The following CPEB1 variants were observed in gnomAD, a reference collection of about 807,000 sequenced individuals.
CPEB1 encodes cytoplasmic polyadenylation element-binding protein 1.
A neutral mutation model predicts 65.8 loss-of-function variants in CPEB1; 7 were observed. That is an observed-to-expected ratio of 0.11 (90% CI 0.06 to 0.20). The LOEUF (loss-of-function observed/expected upper bound fraction) is 0.20, where lower values mean the gene tolerates loss of function less well. Ranked by LOEUF, CPEB1 falls within the 10% of genes least tolerant of loss-of-function variation. The pLI is 1.00. For missense variants in CPEB1, 551 were observed against 712.2 expected (o/e 0.77, Z 2.58); for synonymous variants, 262 against 260.0 (o/e 1.01, Z -0.08).
At chr15:82,566,139 C>A (rs181282749) in intron 4 of CPEB1, among the ~76,000 whole-genome samples, 1 of 152,168 alleles carries the variant, frequency 6.6e-6, no homozygotes, top group Non-Finnish European at 1.5e-5. Flanking sequence ...TACAAAGGCA[C>A]CTGGAGTGTG....
intron 1 of CPEB1, among the ~76,000 whole-genome samples, chr15:82,632,277 C>T (rs933384414): frequency 2.6e-5 from 4 of 151,874 alleles, no homozygotes; most frequent in African/African-American, 4.8e-5. Context: ...CCACTGCGCC[C>T]AGCCAAATTC....
intron 10 of CPEB1, among the ~76,000 whole-genome samples, chr15:82,549,170 G>A (rs927188072): frequency 2.6e-5 from 4 of 152,180 alleles, no homozygotes; most frequent in African/African-American, 4.8e-5. Flanking sequence ...AACTGGTTTC[G>A]CTGTGAACTC....
intron 8 of CPEB1, 65 bp from the exon 9 acceptor site, chr15:82,552,681 T>G: frequency 6.4e-7 from 1 of 1,555,492 alleles, no homozygotes; most frequent in Non-Finnish European, 8.8e-7. Flanking sequence ...AGCCTTGGCT[T>G]TGCAGCAGGG....
At chr15:82,611,594 A>G (rs1401406617) in intron 3 of CPEB1, among the ~76,000 whole-genome samples, 1 of 151,786 alleles carries the variant, frequency 6.6e-6, no homozygotes, top group Admixed American at 6.6e-5. Flanking sequence ...CCATCTCTAC[A>G]AAAAAATAAA....
Position 82,571,413 on chromosome 15 carries a change from G to C in CPEB1, c.391C>G (p.Leu131Val), listed in dbSNP as rs373592605. ...CTCCAGGGTCGGTCCCAGCCTGTCA[G>C]ACTGAGGGACTGCAGGCCAAGGCAC... Reference protein sequence around the residue: ...DLCLGLQSLSLTGWDRPWSTQ... With the variant: ...DLCLGLQSLSVTGWDRPWSTQ... The change falls in exon 4 of 13, where the codon CTG becomes GTG. Residue 131 changes from leucine to valine, a missense_variant. Transcript: ENST00000684509. 1 of 1,614,032 alleles carries C rather than the reference G, an allele frequency of 6.2e-7. No individual in the cohort carries two copies. Among genetic ancestry groups the C allele is most frequent in the African/African-American group, 1.3e-5 (1 of 74,918 alleles).
intron 3 of CPEB1, chr15:82,573,271 C>A: frequency 1.0e-6 from 1 of 999,448 alleles, no homozygotes; most frequent in Non-Finnish European, 1.4e-6. Flanking sequence ...GCTGTGTCAT[C>A]CATCCACGTT....
At chr15:82,549,061 A>T (rs1421999440) in intron 10 of CPEB1, among the ~76,000 whole-genome samples, 1 of 152,234 alleles carries the variant, frequency 6.6e-6, no homozygotes, top group Non-Finnish European at 1.5e-5. Context: ...CTCTGACCTT[A>T]GACAATGCCA....
In CPEB1 at chr15:82,554,000, G is replaced by A. The variant is rs769267125; in HGVS notation, c.941-9C>T. ...GGTGGCTTCATTCACAGCTTTGGTAGATGGCAAAGAGATAAACAGGGGAGG... is the reference window on the plus strand; with the variant it reads ...GGTGGCTTCATTCACAGCTTTGGTAAATGGCAAAGAGATAAACAGGGGAGG... On this transcript the variant is annotated splice_polypyrimidine_tract_variant and intron_variant, in intron 6 of 12. Transcript: ENST00000684509. 15 of 1,538,354 alleles carry A rather than the reference G, an allele frequency of 9.8e-6. No homozygotes were observed. Among genetic ancestry groups the A allele is most frequent in the African/African-American group, 4.1e-5 (3 of 72,576 alleles).
At chr15:82,555,744 G>T (rs1418196332) in intron 6 of CPEB1, 126 bp downstream of exon 6, 14 of 955,384 alleles carry the variant, frequency 1.5e-5, no homozygotes, top group Non-Finnish European at 2.1e-5. Context: ...ATTCTTTGCA[G>T]ATCTGGAGAC....
At chr15:82,590,952 T>A (rs9920951) in intron 3 of CPEB1, among the ~76,000 whole-genome samples, 1,742 of 152,336 alleles carry the variant, frequency 0.011, 29 homozygotes, top group African/African-American at 0.04. Flanking sequence ...GTTTTTGCTA[T>A]TGTGAATAGC....
intron 8 of CPEB1, among the ~76,000 whole-genome samples, chr15:82,553,121 G>GT (rs1215099096): frequency 6.6e-6 from 1 of 152,204 alleles, no homozygotes; most frequent in African/African-American, 2.4e-5. Context: ...AGGCAACAAC[G>GT]TAACTGGGCA....
In CPEB1 at chr15:82,564,038, C is replaced by A. The variant is rs143045284; in HGVS notation, c.461-6052G>T. Among the ~76,000 whole-genome samples, 162 of 152,272 alleles carry A rather than the reference C, an allele frequency of 1.1e-3. 4 individuals are homozygous for A. The highest frequency in any genetic ancestry group is 1.9e-3 in the South Asian group (9 of 4,828). The stretch of plus-strand genomic sequence containing the variant: ...ATGCTTTTTAAAGTCTCAAAAAAAT[C>A]TGCATAGATATTTGCAGGCCCACAT... On this transcript the variant is annotated intron_variant, in intron 4 of 12. Coordinates refer to ENST00000684509, the MANE Select transcript of CPEB1 (RefSeq NM_001365242.1).
chr15:82,609,313 AC>A (rs755710630), intron 3 of CPEB1, among the ~76,000 whole-genome samples: 2 of 152,086 alleles, frequency 1.3e-5, no homozygotes, highest in African/African-American at 2.4e-5. Flanking sequence ...AGCCCAGGCA[AC>A]ATAGTGAGAG....
At chr15:82,546,647 C>G (rs1595988737) in intron 11 of CPEB1, 126 bp from the exon 12 acceptor site, 1 of 740,114 alleles carries the variant, frequency 1.4e-6, no homozygotes, top group South Asian at 1.7e-5. Context: ...GGATATTTGC[C>G]TGTTTTAAAG....
intron 1 of CPEB1, among the ~76,000 whole-genome samples, chr15:82,643,466 T>C (rs2047260689): frequency 6.6e-6 from 1 of 151,778 alleles, no homozygotes; most frequent in South Asian, 2.1e-4. Context: ...CCCATCTTAG[T>C]AAAAATACAA....
intron 1 of CPEB1, chr15:82,629,756 TCAAAA>T: frequency 3.0e-6 from 3 of 985,298 alleles, no homozygotes; most frequent in Non-Finnish European, 3.6e-6. Context: ...GCTGGTCACA[TCAAAA>T]CAAAACAAGA....
intron 3 of CPEB1, among the ~76,000 whole-genome samples, chr15:82,624,771 T>A (rs149798492): frequency 2.7e-3 from 411 of 152,292 alleles, no homozygotes; most frequent in African/African-American, 9.4e-3. Flanking sequence ...CTAGAAAAGT[T>A]TCCAGCATCT....
intron 4 of CPEB1, among the ~76,000 whole-genome samples, chr15:82,564,297 T>G (rs1361825369): frequency 1.3e-5 from 2 of 152,174 alleles, no homozygotes; most frequent in Non-Finnish European, 2.9e-5. Context: ...TTGTTTTGTT[T>G]TTTTTTGAGA....
At chr15:82,601,786 C>T (rs1039398670) in intron 3 of CPEB1, among the ~76,000 whole-genome samples, 2 of 144,638 alleles carry the variant, frequency 1.4e-5, no homozygotes, top group African/African-American at 5.0e-5. Flanking sequence ...AAATGCATTT[C>T]ATAAGTATCG....
Sources: gnomAD v4.1 joint callset for allele counts (sites outside exome capture counted in the v4.1 genomes callset) on GRCh38, gnomAD v4.1.1 for gene constraint, MANE v1.5 for transcripts, NCBI Gene and HGNC (gene_info 2026-07-23, HGNC 2026-07-21) for gene names.